UBASH3B: variants seen among roughly 807,000 people sequenced by gnomAD.
UBASH3B encodes the protein ubiquitin associated and SH3 domain containing B.
UBASH3B carries 37 observed loss-of-function variants against 83.4 expected under a neutral mutation model. The ratio of observed to expected loss-of-function variants is 0.44; its 90% CI spans 0.34 to 0.58. The LOEUF (loss-of-function observed/expected upper bound fraction) is 0.58. UBASH3B is among the 20% of genes least tolerant of loss of function. The pLI, the probability that UBASH3B is intolerant of heterozygous loss-of-function variation, is 0.01. For synonymous variants in UBASH3B, 304 were observed against 318.3 expected (o/e 0.96, Z 0.48); for missense variants, 657 against 827.2 (o/e 0.79, Z 2.52).
At chr11:122,795,923 G>A (rs939800864) in intron 7 of UBASH3B, among the ~76,000 whole-genome samples, 4 of 152,206 alleles carry the variant, frequency 2.6e-5, no homozygotes, top group South Asian at 4.1e-4. Flanking sequence ...AAGAGCAGCC[G>A]TAGCAACAAT....
At chr11:122,767,501 C>T (rs146813918) in intron 1 of UBASH3B, among the ~76,000 whole-genome samples, 2,100 of 152,048 alleles carry the variant, frequency 0.014, 45 homozygotes, top group Admixed American at 0.046. Flanking sequence ...TTAGTAGAGA[C>T]GAGGTTTCAC....
rs533168952 is a variant in UBASH3B at position 122,715,697 on chromosome 11, CAG to C, written c.161+59488_161+59489del. On this transcript the variant is annotated intron_variant, in intron 1 of 13. Transcript: ENST00000284273. ...CACACCCCTTTTGTCTCTCTCAAAA[CAG>C]GGGATAATTAAAAAACCAAAATCCA... Among the ~76,000 whole-genome samples the C allele has an allele frequency of 3.1e-4, 47 of 152,294 alleles. No individual in the cohort carries two copies. In the East Asian group the frequency reaches 5.4e-3, roughly 18 times the overall value.
intron 1 of UBASH3B, among the ~76,000 whole-genome samples, chr11:122,737,602 C>T (rs1860954967): frequency 3.5e-5 from 1 of 28,492 alleles, no homozygotes; most frequent in South Asian, 8.7e-4. Context: ...TCTCTGTGTT[C>T]CCCTAGCCCT....
intron 1 of UBASH3B, among the ~76,000 whole-genome samples, chr11:122,706,461 A>G (rs901256617): frequency 1.3e-5 from 2 of 152,152 alleles, no homozygotes; most frequent in Non-Finnish European, 2.9e-5. Flanking sequence ...AGGTCTGGAG[A>G]AATAGCTTTG....
At chr11:122,788,473 G>T (rs7115152) in intron 5 of UBASH3B, among the ~76,000 whole-genome samples, 1,978 of 152,150 alleles carry the variant, frequency 0.013, 49 homozygotes, top group African/African-American at 0.044. Context: ...GGAGGCTGAG[G>T]CAAGAGAATC....
intron 1 of UBASH3B, among the ~76,000 whole-genome samples, chr11:122,711,843 A>G (rs571800675): frequency 2.0e-4 from 30 of 152,308 alleles, no homozygotes; most frequent in African/African-American, 7.2e-4. Flanking sequence ...AGTGAGTAAT[A>G]GCAAAGAATC....
intron 1 of UBASH3B, among the ~76,000 whole-genome samples, chr11:122,725,787 G>A (rs530627159): frequency 9.9e-4 from 151 of 152,118 alleles, no homozygotes; most frequent in African/African-American, 3.5e-3. Context: ...TCCGCCTCCC[G>A]GGTTCAAGCG....
intron 6 of UBASH3B, among the ~76,000 whole-genome samples, chr11:122,792,573 C>G (rs1425050555): frequency 1.3e-5 from 2 of 152,162 alleles, no homozygotes; most frequent in Non-Finnish European, 2.9e-5. Flanking sequence ...CCTGCCTCGG[C>G]CTCTCAAAGT....
chr11:122,803,313 G>A (rs1435553209), intron 11 of UBASH3B, among the ~76,000 whole-genome samples: 1 of 152,210 alleles, frequency 6.6e-6, no homozygotes, highest in Admixed American at 6.5e-5. Context: ...TTGGAAGCAA[G>A]GAAGTGGTGC....
intron 1 of UBASH3B, among the ~76,000 whole-genome samples, chr11:122,671,863 AAGGATGTGG>A (rs888101115): frequency 3.3e-5 from 5 of 152,130 alleles, no homozygotes; most frequent in African/African-American, 4.8e-5. Context: ...GCTGGCTCCG[AAGGATGTGG>A]AGGATGGAAT....
intron 1 of UBASH3B, among the ~76,000 whole-genome samples, chr11:122,741,233 C>T (rs978099443): frequency 1.3e-5 from 2 of 152,110 alleles, no homozygotes; most frequent in Non-Finnish European, 2.9e-5. Context: ...TCAATTTACT[C>T]TCAGTTCATA....
intron 1 of UBASH3B, among the ~76,000 whole-genome samples, chr11:122,656,602 C>G (rs1863367640): frequency 6.6e-6 from 1 of 152,202 alleles, no homozygotes; most frequent in Non-Finnish European, 1.5e-5. Context: ...GGCACCCTCT[C>G]CGTCTGGAAT....
At chr11:122,675,882 T>A (rs1408997665) in intron 1 of UBASH3B, among the ~76,000 whole-genome samples, 1 of 152,026 alleles carries the variant, frequency 6.6e-6, no homozygotes, top group Non-Finnish European at 1.5e-5. Context: ...AGAGAGAGAG[T>A]GAGAGCTTAC....
chr11:122,681,778 A>G (rs11218751), intron 1 of UBASH3B, among the ~76,000 whole-genome samples: 32,039 of 152,116 alleles, frequency 0.21, 3,686 homozygotes, highest in Middle Eastern at 0.27. Flanking sequence ...AGGGTTTGAA[A>G]AAAAGATGCT....
intron 1 of UBASH3B, among the ~76,000 whole-genome samples, chr11:122,667,733 T>G (rs1278873224): frequency 6.6e-6 from 1 of 152,176 alleles, no homozygotes; most frequent in Non-Finnish European, 1.5e-5. Context: ...AGATCCTGCT[T>G]GGAAGAAACC....
intron 10 of UBASH3B, among the ~76,000 whole-genome samples, chr11:122,800,416 T>G (rs1861235490): frequency 6.8e-6 from 1 of 148,028 alleles, no homozygotes; most frequent in Non-Finnish European, 1.5e-5. Context: ...GAGCTGGGCT[T>G]GGTGGCAGGC....
chr11:122,804,567 G>T (rs1591332605), intron 11 of UBASH3B, among the ~76,000 whole-genome samples: 2 of 152,238 alleles, frequency 1.3e-5, no homozygotes, highest in South Asian at 4.2e-4. Flanking sequence ...GAAGTCAGCT[G>T]CAGCCTTTCT....
intron 1 of UBASH3B, among the ~76,000 whole-genome samples, chr11:122,663,264 A>C: frequency 6.6e-6 from 1 of 152,184 alleles, no homozygotes; most frequent in East Asian, 1.9e-4. Context: ...GGCATAAGCC[A>C]CCGCGCCTGG....
intron 1 of UBASH3B, among the ~76,000 whole-genome samples, chr11:122,742,948 TTG>T (rs1861050374): frequency 6.6e-6 from 1 of 152,170 alleles, no homozygotes; most frequent in African/African-American, 2.4e-5. Context: ...CTAGAGTTTT[TTG>T]TGTGTGTGGT....
Sources: allele counts gnomAD v4.1 joint callset (sites outside exome capture counted in the v4.1 genomes callset), GRCh38; gene constraint gnomAD v4.1.1; transcripts MANE v1.5; gene names NCBI Gene and HGNC (gene_info 2026-07-23, HGNC 2026-07-21).